The following CA10 variants were observed in gnomAD, a reference collection of about 807,000 sequenced individuals.
CA10 encodes the protein carbonic anhydrase 10 (inactive), also known as carbonic anhydrase-related protein 10.
In CA10, 14 loss-of-function variants were observed where a neutral mutation model predicts 44.2. That is an observed-to-expected ratio of 0.32 (90% CI 0.21 to 0.50). CA10 has a LOEUF of 0.50. Ranked by LOEUF, CA10 falls within the 20% of genes least tolerant of loss-of-function variation. The pLI, the probability that CA10 is intolerant of heterozygous loss-of-function variation, is 0.99. For missense variants in CA10, 350 were observed against 409.7 expected (o/e 0.85, Z 1.26); for synonymous variants, 159 against 141.6 (o/e 1.12, Z -0.87).
intron 2 of CA10, 79 bp downstream of exon 2, chr17:52,072,240 A>G (rs1598199803): frequency 4.9e-6 from 5 of 1,014,568 alleles, no homozygotes; most frequent in Non-Finnish European, 7.5e-6. Context: ...ACCTTTTGCA[A>G]TGTAAAATCC....
intron 4 of CA10, among the ~76,000 whole-genome samples, chr17:51,715,740 G>C (rs1033792932): frequency 6.6e-6 from 1 of 151,982 alleles, no homozygotes; most frequent in Non-Finnish European, 1.5e-5. Context: ...ACCCAGGCTG[G>C]AGTACACTGG....
chr17:52,133,714 T>C (rs557544865), intron 1 of CA10, among the ~76,000 whole-genome samples: 1 of 152,334 alleles, frequency 6.6e-6, no homozygotes, highest in East Asian at 1.9e-4. Flanking sequence ...GATACAATGT[T>C]TGTAATAGCA....
chr17:52,134,774 G>A (rs1989315102), intron 1 of CA10: 12 of 481,552 alleles, frequency 2.5e-5, no homozygotes, highest in South Asian at 1.5e-4. Flanking sequence ...CAGAGCTCAG[G>A]TTATGCATGA....
chr17:52,023,749 T>G (rs1598171950), intron 2 of CA10, among the ~76,000 whole-genome samples: 1 of 149,370 alleles, frequency 6.7e-6, no homozygotes, highest in African/African-American at 2.4e-5. Flanking sequence ...CTATCCAGAA[T>G]GTAGACAGAA....
At chr17:51,971,331 C>T (rs2144069908) in intron 2 of CA10, among the ~76,000 whole-genome samples, 1 of 152,164 alleles carries the variant, frequency 6.6e-6, no homozygotes, top group South Asian at 2.1e-4. Context: ...GGAACTTCTA[C>T]CCAGAAATTT....
At chr17:51,853,454 C>T (rs761227699) in intron 3 of CA10, among the ~76,000 whole-genome samples, 3 of 152,182 alleles carry the variant, frequency 2.0e-5, no homozygotes, top group Non-Finnish European at 4.4e-5. Flanking sequence ...CCCAGTGATT[C>T]CTTTAAGCAG....
At chr17:51,695,384 C>T (rs2143441328) in intron 4 of CA10, among the ~76,000 whole-genome samples, 1 of 152,008 alleles carries the variant, frequency 6.6e-6, no homozygotes, top group South Asian at 2.1e-4. Context: ...AGATCTTTCT[C>T]CTCTTTGGTT....
intron 4 of CA10, among the ~76,000 whole-genome samples, chr17:51,664,948 C>A (rs1390806417): frequency 1.3e-5 from 2 of 152,184 alleles, no homozygotes; most frequent in Admixed American, 1.3e-4. Context: ...TTCTAGCTCA[C>A]TTCACAGTTA....
At chr17:51,663,038 T>G (rs529539385) in intron 4 of CA10, among the ~76,000 whole-genome samples, 2 of 152,284 alleles carry the variant, frequency 1.3e-5, no homozygotes, top group Non-Finnish European at 2.9e-5. Flanking sequence ...TCCCCTCTGA[T>G]TATTTCTTTA....
intron 2 of CA10, among the ~76,000 whole-genome samples, chr17:52,033,894 A>T (rs1027607730): frequency 2.6e-5 from 4 of 152,232 alleles, no homozygotes; most frequent in African/African-American, 9.6e-5. Flanking sequence ...AACATGAATG[A>T]TCCTAGAAGA....
intron 1 of CA10, chr17:52,134,801 T>C (rs948416308): frequency 7.9e-6 from 4 of 507,582 alleles, no homozygotes; most frequent in African/African-American, 1.9e-5. Context: ...CCTCTTCCAC[T>C]GTGCCCTGGC....
chr17:52,152,977 T>C (rs1380944924), intron 1 of CA10, among the ~76,000 whole-genome samples: 2 of 152,130 alleles, frequency 1.3e-5, no homozygotes, highest in Non-Finnish European at 2.9e-5. Context: ...CTTTCTATAA[T>C]GGCTTGCTAT....
intron 4 of CA10, among the ~76,000 whole-genome samples, chr17:51,678,547 C>T (rs7217204): frequency 0.48 from 73,112 of 151,988 alleles, 18,989 homozygotes; most frequent in East Asian, 0.67. Context: ...ATGACGAATA[C>T]GCAGCCCTCC....
At chr17:52,160,023 TAGG>T (rs987940535), upstream of CA10, 3 of 152,076 alleles carry the variant, frequency 2.0e-5, no homozygotes, top group Admixed American at 6.5e-5. Context: ...ACTGTGACGT[TAGG>T]AGATTTTGCA....
At position 51,633,556 on chromosome 17, in the gene CA10, C is replaced by A; in HGVS notation, c.884G>T (p.Arg295Leu). 6.2e-7 allele frequency: 1 copy of A among 1,613,992 alleles called. No homozygotes were observed. Among genetic ancestry groups the A allele is most frequent in the Non-Finnish European group, 8.5e-7 (1 of 1,179,934 alleles). ...GAAGTTGATATTGGTGCGGATGCAG[C>A]GGTTGTTGAGTGGCTGGACAGGCCT... ...NFRPVQPLNN[R>L]CIRTNINFSL... The change falls in exon 8 of 9, where the codon CGC becomes CTC. Residue 295 changes from arginine to leucine, a missense_variant. Physicochemically the swap from Arg to Leu is moderately radical, Grantham distance 102. Coordinates refer to ENST00000451037, the MANE Select transcript of CA10 (RefSeq NM_020178.5).
chr17:51,918,164 A>T (rs1567884692), intron 3 of CA10, among the ~76,000 whole-genome samples: 1 of 152,216 alleles, frequency 6.6e-6, no homozygotes, highest in Admixed American at 6.5e-5. Flanking sequence ...CCTACCTAGC[A>T]ACGATGCATT....
At chr17:51,675,986 T>A (rs942233194) in intron 4 of CA10, among the ~76,000 whole-genome samples, 1 of 152,218 alleles carries the variant, frequency 6.6e-6, no homozygotes, top group South Asian at 2.1e-4. Context: ...ACCGTGATGC[T>A]TGTAAGGTCC....
At chr17:51,667,054 C>T (rs988959602) in intron 4 of CA10, among the ~76,000 whole-genome samples, 1 of 152,234 alleles carries the variant, frequency 6.6e-6, no homozygotes, top group East Asian at 1.9e-4. Context: ...CTAATTTGAA[C>T]AATCCAGGGA....
In CA10 at chr17:52,067,992, G is replaced by C. The variant is rs1055537281; in HGVS notation, c.136+4327C>G. ...TTGGACTGTGGACTTTTGAGTTAAT[G>C]CTGAAATGAGTTAAGACTTTGCAGG... On this transcript the variant is annotated intron_variant, in intron 2 of 8. Coordinates refer to ENST00000451037, the MANE Select transcript of CA10 (RefSeq NM_020178.5). Among the ~76,000 whole-genome samples the C allele has an allele frequency of 3.3e-5, 5 of 152,188 alleles. No individual in the cohort carries two copies. The South Asian group carries it at 8.3e-4, about 25-fold the overall frequency.
Sources: allele counts gnomAD v4.1 joint callset (sites outside exome capture counted in the v4.1 genomes callset), GRCh38; gene constraint gnomAD v4.1.1; transcripts MANE v1.5; gene names NCBI Gene and HGNC (gene_info 2026-07-23, HGNC 2026-07-21).